TBC1D9: variants seen among roughly 807,000 people sequenced by gnomAD.
TBC1D9 encodes TBC1 domain family member 9, also known as TBC1 domain family member 9A.
Under a neutral mutation model 132.0 loss-of-function variants are expected in TBC1D9, and 63 were observed. The ratio of observed to expected loss-of-function variants is 0.48; its 90% CI spans 0.39 to 0.59. The LOEUF (loss-of-function observed/expected upper bound fraction) is 0.59, where lower values mean the gene tolerates loss of function less well. Ranked by LOEUF, TBC1D9 falls within the 20% of genes least tolerant of loss-of-function variation. The pLI, the probability that TBC1D9 is intolerant of heterozygous loss-of-function variation, is 0.00. For missense variants in TBC1D9, 1,261 were observed against 1,592.7 expected, an observed-to-expected ratio of 0.79 and a Z score of 3.54; for synonymous variants, 610 against 609.9, an observed-to-expected ratio of 1.00 and a Z score of 0.00.
chr4:140,701,153 A>C (rs1172577324), intron 2 of TBC1D9, among the ~76,000 whole-genome samples: 1 of 152,176 alleles, frequency 6.6e-6, no homozygotes. Context: ...AGTGTGAGTG[A>C]AATGGAAGGT....
At chr4:140,648,560 A>AT (rs1737139502) in intron 13 of TBC1D9, among the ~76,000 whole-genome samples, 1 of 151,554 alleles carries the variant, frequency 6.6e-6, no homozygotes, top group Non-Finnish European at 1.5e-5. Context: ...TAATTGTTGT[A>AT]TTTTTTGTAG....
chr4:140,738,357 AC>A (rs1461914368), intron 1 of TBC1D9, among the ~76,000 whole-genome samples: 1 of 151,374 alleles, frequency 6.6e-6, no homozygotes, highest in Admixed American at 6.6e-5. Flanking sequence ...TGCATAATTG[AC>A]CCCCCCTTTC....
At chr4:140,697,676 A>T (rs60789633) in intron 2 of TBC1D9, among the ~76,000 whole-genome samples, 1 of 152,038 alleles carries the variant, frequency 6.6e-6, no homozygotes, top group Non-Finnish European at 1.5e-5. Context: ...TTTGTAACAT[A>T]CAATTCTATC....
At chr4:140,707,939 T>C (rs1243151803) in intron 1 of TBC1D9, among the ~76,000 whole-genome samples, 1 of 152,104 alleles carries the variant, frequency 6.6e-6, no homozygotes, top group Non-Finnish European at 1.5e-5. Flanking sequence ...TCTTGACTTA[T>C]ATTACACTAA....
rs114507408 is a variant in TBC1D9 at position 140,648,017 on chromosome 4, C to T, written c.2338-8589G>A. ...AAACTTGGCTCAGTAAATGCTGCAG[C>T]CAACACTTCCCATTACCCAAAACAA... On this transcript the variant is annotated intron_variant, in intron 13 of 20. Coordinates refer to ENST00000442267, the MANE Select transcript of TBC1D9 (RefSeq NM_015130.3). 2.9e-3 allele frequency among the ~76,000 whole-genome samples: 437 copies of T among 152,220 alleles called. 1 individual carries two copies. The highest frequency in any genetic ancestry group is 0.01 in the African/African-American group (419 of 41,536).
intron 9 of TBC1D9, among the ~76,000 whole-genome samples, chr4:140,662,703 T>C (rs1362864844): frequency 1.3e-5 from 2 of 152,070 alleles, no homozygotes; most frequent in African/African-American, 2.4e-5. Context: ...TCCTCAGGTG[T>C]TGGGGATGGG....
In TBC1D9 at chr4:140,622,902, G is replaced by A. The variant is rs752104946; in HGVS notation, c.3094C>T (p.Leu1032=). The change falls in exon 21 of 21, where the codon CTG becomes TTG. Residue 1032 remains leucine (L), a synonymous_variant. Coordinates refer to ENST00000442267, the MANE Select transcript of TBC1D9 (RefSeq NM_015130.3). ...AACATGTTATACATTGTCTTACACA[G>A]TTCAATGAACTGCCCCTGAAAAGCG... ...PKLNQGQFIE[L]CKTMYNMFSE... 6.5e-6 allele frequency: 10 copies of A among 1,534,606 alleles called. No homozygotes were observed. Among genetic ancestry groups the A allele is most frequent in the Non-Finnish European group, 8.8e-6 (10 of 1,141,976 alleles).
At chr4:140,640,685 G>A (rs956838183) in intron 13 of TBC1D9, among the ~76,000 whole-genome samples, 2 of 151,986 alleles carry the variant, frequency 1.3e-5, no homozygotes, top group African/African-American at 4.8e-5. Flanking sequence ...TTTTCCTTTC[G>A]CATATTTAAA....
chr4:140,692,366 A>C (rs556622027), intron 2 of TBC1D9, among the ~76,000 whole-genome samples: 1 of 152,316 alleles, frequency 6.6e-6, no homozygotes, highest in South Asian at 2.1e-4. Context: ...CATCTGTATT[A>C]TGGCCTTATC....
chr4:140,752,864 A>T (rs1482309052), intron 1 of TBC1D9, among the ~76,000 whole-genome samples: 1 of 152,046 alleles, frequency 6.6e-6, no homozygotes, highest in African/African-American at 2.4e-5. Context: ...CTTTGAGACC[A>T]CTTCTGGCCA....
intron 1 of TBC1D9, among the ~76,000 whole-genome samples, chr4:140,710,237 G>A (rs1011266655): frequency 1.3e-5 from 2 of 152,050 alleles, no homozygotes; most frequent in African/African-American, 4.8e-5. Flanking sequence ...TTATCCCGAG[G>A]GGCACTGGTT....
chr4:140,648,624 G>T (rs965432720), intron 13 of TBC1D9, among the ~76,000 whole-genome samples: 3 of 152,042 alleles, frequency 2.0e-5, no homozygotes, highest in African/African-American at 7.2e-5. Flanking sequence ...GAGCTTAAGT[G>T]GTCTGCCCGC....
Position 140,706,940 on chromosome 4 carries a change from T to C in TBC1D9, c.131-5326A>G, listed in dbSNP as rs1738159016. Among the ~76,000 whole-genome samples the C allele has an allele frequency of 6.6e-6, 1 of 152,240 alleles. No homozygotes were observed. Among genetic ancestry groups the C allele is most frequent in the African/African-American group, 2.4e-5 (1 of 41,476 alleles). ...CACACTTTTTGCTCTATTATGCAAC[T>C]GTAATCGTATTCTGTTTGCATAAAT... On this transcript the variant is annotated intron_variant, in intron 1 of 20. Transcript: ENST00000442267. This position sits in a 1 kb window ranked among gnomAD's most constrained non-coding sequence, Gnocchi z 4.0.
intron 13 of TBC1D9, among the ~76,000 whole-genome samples, chr4:140,654,052 G>A (rs1560874649): frequency 6.6e-6 from 1 of 152,224 alleles, no homozygotes; most frequent in Non-Finnish European, 1.5e-5. Flanking sequence ...ATACTGTTAG[G>A]AATAACGCTC....
chr4:140,629,487 A>G (rs1281296812), intron 16 of TBC1D9, among the ~76,000 whole-genome samples: 1 of 152,178 alleles, frequency 6.6e-6, no homozygotes, highest in Admixed American at 6.5e-5. Flanking sequence ...TCCACACAAC[A>G]ATCCTTCAGA....
chr4:140,646,658 C>A (rs1417525640), intron 13 of TBC1D9, among the ~76,000 whole-genome samples: 2 of 152,086 alleles, frequency 1.3e-5, no homozygotes, highest in Non-Finnish European at 2.9e-5. Context: ...TTTGGAAGGA[C>A]TAATCCAGGG....
chr4:140,622,218 CAT>C lies in TBC1D9; in HGVS notation c.3776_3777del (p.Tyr1259Ter). Reference protein sequence around the residue: ...MGKPLTSASDYEISAMSG With the variant: ...MGKPLTSASDXEISAMSG ...TGTCAGCCGGACATGGCCGAGATTT[CAT>C]AGTCACTGGCCGAGGTGAGGGGCTT... On this transcript the variant is annotated frameshift_variant, in exon 21 of 21. Transcript: ENST00000442267. LOFTEE classifies it high-confidence loss of function. The C allele has an allele frequency of 6.3e-7, 1 of 1,586,878 alleles. No individual in the cohort carries two copies. Among genetic ancestry groups the C allele is most frequent in the Non-Finnish European group, 8.6e-7 (1 of 1,158,048 alleles).
At position 140,677,102 on chromosome 4, in the gene TBC1D9, C is replaced by A; in HGVS notation, c.852-1G>T. Reference sequence around the variant, plus strand: ...ACTCTTTGCCCTGGCATCAAGATCACTGGAAAGCAATAATTACAATTCACA... The same window carrying A: ...ACTCTTTGCCCTGGCATCAAGATCAATGGAAAGCAATAATTACAATTCACA... On this transcript the variant is annotated splice_acceptor_variant, in intron 5 of 20. Transcript: ENST00000442267. LOFTEE classifies it high-confidence loss of function. 6.2e-7 allele frequency: 1 copy of A among 1,613,484 alleles called. No individual in the cohort carries two copies. Among genetic ancestry groups the A allele is most frequent in the Non-Finnish European group, 8.5e-7 (1 of 1,179,828 alleles).
intron 13 of TBC1D9, among the ~76,000 whole-genome samples, chr4:140,650,723 C>T (rs1027077069): frequency 2.6e-5 from 4 of 151,896 alleles, no homozygotes; most frequent in Non-Finnish European, 4.4e-5. Flanking sequence ...TTAGTAGAGA[C>T]GGGGTTTTGC....
Sources: gnomAD v4.1 joint callset for allele counts (sites outside exome capture counted in the v4.1 genomes callset) on GRCh38, gnomAD v4.1.1 for gene constraint, Gnocchi (gnomAD v3.1) non-coding constraint, MANE v1.5 for transcripts, NCBI Gene and HGNC (gene_info 2026-07-23, HGNC 2026-07-21) for gene names.